Variants in ZFP41 observed in about 807,000 individuals in gnomAD.
ZFP41 encodes ZFP41 zinc finger protein.
A neutral mutation model predicts 11.6 loss-of-function variants in ZFP41; 10 were observed. The observed-to-expected ratio is 0.86, with a 90% CI of 0.53 to 1.47. The LOEUF (loss-of-function observed/expected upper bound fraction) is 1.47. Ranked by LOEUF, ZFP41 falls within the 40% of genes most tolerant of loss-of-function variation. The probability of loss-of-function intolerance (pLI) is 0.00; values close to 1 mark genes in which losing one functional copy is unlikely to be tolerated. For missense variants in ZFP41, 302 were observed against 264.6 expected (o/e 1.14, Z -0.98); for synonymous variants, 123 against 100.9 (o/e 1.22, Z -1.31).
intron 2 of ZFP41, among the ~76,000 whole-genome samples, chr8:143,252,143 G>A (rs1040674993): frequency 6.6e-5 from 10 of 152,192 alleles, no homozygotes; most frequent in African/African-American, 9.7e-5. Flanking sequence ...TAAAACTCCC[G>A]TAAATCCCAG....
In ZFP41 at chr8:143,249,693, C is replaced by A. The variant is rs1196842340; in HGVS notation, c.-151C>A. 2 of 1,293,054 alleles carry A rather than the reference C, an allele frequency of 1.5e-6. No homozygotes were observed. The highest frequency in any genetic ancestry group is 5.8e-5 in the Admixed American group (2 of 34,334). The allele number at this position is 1,293,054 out of a possible 1,614,324, so 80.1% of individuals were successfully genotyped here. A position where few individuals can be genotyped will look rare whatever the true frequency, so the allele number is the denominator to read the frequency against. On this transcript the variant is annotated 5_prime_UTR_variant, in exon 2 of 3. Coordinates refer to ENST00000330701, the MANE Select transcript of ZFP41 (RefSeq NM_173832.6). ...TCATGTTCTTGCTTCTCCCCAGCAC[C>A]AAGAGGATGGTGGCCCTTGGCCTCC...
rs957534462 is a variant in ZFP41 at position 143,249,528 on chromosome 8, A to G, written c.-154-162A>G. ...AGCAACTGATCCCTTCATCGAGACA[A>G]GGAAAGGCCGGGAGAGAGTCAGGTG... On this transcript the variant is annotated intron_variant, in intron 1 of 2. Coordinates refer to ENST00000330701, the MANE Select transcript of ZFP41 (RefSeq NM_173832.6). 23 of 249,012 alleles carry G rather than the reference A, an allele frequency of 9.2e-5. No homozygotes were observed. In the Admixed American group the frequency reaches 9.8e-4, roughly 11 times the overall value. 15.4% of individuals were successfully genotyped at this position (249,012 alleles called of 1,614,324 possible). A position where few individuals can be genotyped will look rare whatever the true frequency, so the allele number is the denominator to read the frequency against.
In ZFP41 at chr8:143,250,341, C is replaced by G; in HGVS notation, c.498C>G (p.Thr166=). The part of the protein sequence containing the change: ...SNLLKHQKTH[T]GEKPYECTHC... Reference sequence around the variant, plus strand: ...TCCTGAAACATCAGAAGACGCACACCGGGGAGAAGCCCTACGAATGCACGC... The same window carrying G: ...TCCTGAAACATCAGAAGACGCACACGGGGGAGAAGCCCTACGAATGCACGC... Residue 166 remains threonine, a synonymous_variant, in exon 2 of 3, where the codon ACC becomes ACG. Coordinates refer to ENST00000330701, the MANE Select transcript of ZFP41 (RefSeq NM_173832.6). 6.2e-7 allele frequency: 1 copy of G among 1,613,944 alleles called. No individual in the cohort carries two copies. The highest frequency in any genetic ancestry group is 1.3e-5 in the African/African-American group (1 of 75,040).
intron 2 of ZFP41, among the ~76,000 whole-genome samples, chr8:143,251,625 T>A (rs1276102309): frequency 6.6e-6 from 1 of 152,252 alleles, no homozygotes; most frequent in Non-Finnish European, 1.5e-5. Context: ...CGATTCGAGC[T>A]GGAGATGGCC....
At chr8:143,252,689 A>T (rs1814802252) in intron 2 of ZFP41, 1 of 961,536 alleles carries the variant, frequency 1.0e-6, no homozygotes, top group Non-Finnish European at 1.2e-6. Flanking sequence ...TGCCTCTGTG[A>T]TGACTGTGTC....
At position 143,249,934 on chromosome 8, in the gene ZFP41, T is replaced by C; in HGVS notation, c.91T>C (p.Ser31Pro). 1 of 1,613,732 alleles carries C rather than the reference T, an allele frequency of 6.2e-7. No homozygotes were observed. The highest frequency in any genetic ancestry group is 8.5e-7 in the Non-Finnish European group (1 of 1,179,882). ...QKSALREEKV[S>P]GDRKPPERPT... ...GAGTGCGCTCAGAGAGGAGAAGGTG[T>C]CCGGGGACAGAAAGCCACCTGAGAG... The change falls in exon 2 of 3, where the codon TCC becomes CCC. Residue 31 changes from serine to proline, a missense_variant. Physicochemically the swap from Ser to Pro is moderately conservative, Grantham distance 74 (BLOSUM62 -1). Coordinates refer to ENST00000330701, the MANE Select transcript of ZFP41 (RefSeq NM_173832.6).
rs1327494390 is a variant in ZFP41 at position 143,249,882 on chromosome 8, C to T, written c.39C>T (p.Thr13=). 6.2e-7 allele frequency: 1 copy of T among 1,609,084 alleles called. No individual in the cohort carries two copies. The highest frequency in any genetic ancestry group is 2.2e-5 in the East Asian group (1 of 44,826). ...KPAGRKKKTP[T]PREEADVQKS... ...CAGGCAGAAAAAAGAAGACGCCGAC[C>T]CCAAGGGAGGAGGCAGACGTGCAGA... Residue 13 remains threonine, a synonymous_variant, in exon 2 of 3, where the codon ACC becomes ACT. Transcript: ENST00000330701.
intron 2 of ZFP41, chr8:143,253,041 C>T (rs1814813528): frequency 6.6e-6 from 1 of 152,318 alleles, no homozygotes; most frequent in South Asian, 2.1e-4. Context: ...TGTTCAGAAG[C>T]AGGCATCAGA....
rs1816763062 is a variant in ZFP41 at position 143,249,862 on chromosome 8, A to G, written c.19A>G (p.Arg7Gly). The change falls in exon 2 of 3, where the codon AGA becomes GGA. Residue 7 changes from arginine to glycine, a missense_variant. Physicochemically the swap from Arg to Gly is moderately radical, Grantham distance 125 (BLOSUM62 -2). Coordinates refer to ENST00000330701, the MANE Select transcript of ZFP41 (RefSeq NM_173832.6). ...CAGAATGATGGAGAAGCCTGCAGGCAGAAAAAAGAAGACGCCGACCCCAAG... is the reference window on the plus strand; with the variant it reads ...CAGAATGATGGAGAAGCCTGCAGGCGGAAAAAAGAAGACGCCGACCCCAAG... MEKPAG[R>G]KKKTPTPREE... 2 of 1,597,832 alleles carry G rather than the reference A, an allele frequency of 1.3e-6. No homozygotes were observed. The highest frequency in any genetic ancestry group is 2.2e-5 in the East Asian group (1 of 44,726).
chr8:143,262,076 C>T lies in ZFP41; in HGVS notation c.*3202C>T, dbSNP rs1307700690. 5.5e-6 allele frequency: 1 copy of T among 180,506 alleles called. No individual in the cohort carries two copies. Among genetic ancestry groups the T allele is most frequent in the African/African-American group, 2.6e-5 (1 of 39,184 alleles). 11.2% of individuals were successfully genotyped at this position (180,506 alleles called of 1,614,324 possible). ...CGGCAGCCCCTGCCCGCGCCCGCACCTCTGCACCTCCCACGCCCCTCTCCG... is the reference window on the plus strand; with the variant it reads ...CGGCAGCCCCTGCCCGCGCCCGCACTTCTGCACCTCCCACGCCCCTCTCCG... On this transcript the variant is annotated 3_prime_UTR_variant, in exon 3 of 3. Transcript: ENST00000330701.
At chr8:143,253,269 T>A (rs896986091) in intron 2 of ZFP41, 7 of 152,280 alleles carry the variant, frequency 4.6e-5, no homozygotes, top group Non-Finnish European at 1.0e-4. Flanking sequence ...GCGTGGCGTC[T>A]GCAGTTCATG....
chr8:143,251,527 A>G (rs1001837524), intron 2 of ZFP41, among the ~76,000 whole-genome samples, 187 bp downstream of exon 2: 18 of 152,324 alleles, frequency 1.2e-4, no homozygotes, highest in African/African-American at 4.3e-4. Flanking sequence ...TTATTGGGAA[A>G]TGTTGGCGCC....
chr8:143,249,550 G>A, intron 1 of ZFP41, 140 bp from the exon 2 acceptor site: 1 of 300,930 alleles, frequency 3.3e-6, no homozygotes, highest in Non-Finnish European at 6.2e-6. Context: ...GAGAGAGTCA[G>A]GTGGGGCTCC....
chr8:143,252,059 ATGG>A (rs1484071649), intron 2 of ZFP41, among the ~76,000 whole-genome samples: 2 of 152,202 alleles, frequency 1.3e-5, no homozygotes, highest in Non-Finnish European at 2.9e-5. Flanking sequence ...CCCACTGCCC[ATGG>A]GCTGCACTGA....
Position 143,250,584 on chromosome 8 carries a change from C to A in ZFP41, c.*144C>A. The A allele has an allele frequency of 7.4e-7, 1 of 1,359,560 alleles. No individual in the cohort carries two copies. The highest frequency in any genetic ancestry group is 9.9e-7 in the Non-Finnish European group (1 of 1,006,942). 84.2% of individuals were successfully genotyped at this position (1,359,560 alleles called of 1,614,324 possible). A position where few individuals can be genotyped will look rare whatever the true frequency, so the allele number is the denominator to read the frequency against. On this transcript the variant is annotated 3_prime_UTR_variant, in exon 2 of 3. Transcript: ENST00000330701. ...CCCTGGGGACCCCCGGAAAAGCAGC[C>A]CAGTCAGATGTGGGAACGTGCCAGC...
intron 2 of ZFP41, among the ~76,000 whole-genome samples, chr8:143,254,660 G>GTC (rs1814865101): frequency 7.6e-6 from 1 of 131,300 alleles, no homozygotes; most frequent in East Asian, 2.4e-4. Flanking sequence ...TTGAGACAGA[G>GTC]TCTCATTCTG....
chr8:143,254,172 G>A (rs1180970089), intron 2 of ZFP41, among the ~76,000 whole-genome samples: 4 of 152,148 alleles, frequency 2.6e-5, no homozygotes, highest in Non-Finnish European at 5.9e-5. Context: ...GCCTCCTCCC[G>A]TCTCTTGCTC....
chr8:143,254,957 T>C (rs1369105970), intron 2 of ZFP41, among the ~76,000 whole-genome samples: 11 of 152,224 alleles, frequency 7.2e-5, no homozygotes, highest in African/African-American at 2.7e-4. Flanking sequence ...TAGGTTATTA[T>C]AAATAATGCC....
At position 143,256,447 on chromosome 8, in the gene ZFP41, A is replaced by G. The variant is rs571475778; in HGVS notation, c.*901-3328A>G. ...TGTTAGTGAGATCAGGGCTCGCCCCACATGCTGGTGTTAGTGAGATCAGAT... is the reference window on the plus strand; with the variant it reads ...TGTTAGTGAGATCAGGGCTCGCCCCGCATGCTGGTGTTAGTGAGATCAGAT... On this transcript the variant is annotated intron_variant, in intron 2 of 2. Coordinates refer to ENST00000330701, the MANE Select transcript of ZFP41 (RefSeq NM_173832.6). Among the ~76,000 whole-genome samples, 635 of 147,000 alleles carry G rather than the reference A, an allele frequency of 4.3e-3. 3 individuals carry two copies. The highest frequency in any genetic ancestry group is 0.011 in the Middle Eastern group (3 of 274).
Sources: allele counts gnomAD v4.1 joint callset (sites outside exome capture counted in the v4.1 genomes callset), GRCh38; gene constraint gnomAD v4.1.1; transcripts MANE v1.5; gene names NCBI Gene and HGNC (gene_info 2026-07-23, HGNC 2026-07-21).